Variants in ACSS3 observed in about 807,000 individuals in gnomAD.
The protein encoded by ACSS3 is acyl-CoA synthetase short chain family member 3.
A neutral mutation model predicts 84.2 loss-of-function variants in ACSS3; 64 were observed. That is an observed-to-expected ratio of 0.76 (90% CI 0.62 to 0.94). The LOEUF is 0.94. ACSS3 is among the 40% of genes least tolerant of loss of function. The pLI, the probability that ACSS3 is intolerant of heterozygous loss-of-function variation, is 0.00. For synonymous variants in ACSS3, 317 were observed against 310.1 expected (o/e 1.02, Z -0.23); for missense variants, 815 against 867.6 (o/e 0.94, Z 0.76).
intron 7 of ACSS3, among the ~76,000 whole-genome samples, chr12:81,170,557 T>A (rs772076130): frequency 3.9e-5 from 6 of 152,154 alleles, no homozygotes; most frequent in Non-Finnish European, 7.4e-5. Flanking sequence ...AATGTAGACT[T>A]AGTTTGGGAG....
intron 7 of ACSS3, among the ~76,000 whole-genome samples, chr12:81,164,612 A>G (rs556243270): frequency 1.3e-5 from 2 of 152,290 alleles, no homozygotes; most frequent in East Asian, 3.9e-4. Context: ...AGTATCTTTA[A>G]TGAACATCTC....
chr12:81,213,793 T>TTTCTCTGCTCTTCTC (rs1555181603), intron 9 of ACSS3, among the ~76,000 whole-genome samples: 6 of 30,818 alleles, frequency 1.9e-4, no homozygotes, highest in African/African-American at 7.2e-4. Flanking sequence ...TCTCTTCTCT[T>TTTCTCTGCTCTTCTC]TTCTCTTCTC....
chr12:81,127,953 T>C (rs1387929005), intron 2 of ACSS3, among the ~76,000 whole-genome samples: 1 of 152,174 alleles, frequency 6.6e-6, no homozygotes, highest in Non-Finnish European at 1.5e-5. Context: ...AAGACTGTTT[T>C]TGAAAGATTT....
chr12:81,224,936 C>T (rs143291492), intron 11 of ACSS3, among the ~76,000 whole-genome samples: 237 of 151,928 alleles, frequency 1.6e-3, no homozygotes, highest in African/African-American at 5.4e-3. Context: ...GGCCCTAAAG[C>T]ACAATAGTAC....
intron 13 of ACSS3, among the ~76,000 whole-genome samples, chr12:81,250,754 G>C (rs1035992803): frequency 8.5e-5 from 13 of 152,176 alleles, no homozygotes; most frequent in African/African-American, 3.1e-4. Flanking sequence ...AATAATTTTT[G>C]ACGATTAAAA....
At chr12:81,128,243 G>T (rs1024242412) in intron 2 of ACSS3, among the ~76,000 whole-genome samples, 24 of 150,056 alleles carry the variant, frequency 1.6e-4, no homozygotes, top group African/African-American at 5.4e-4. Flanking sequence ...TCTTATTTTT[G>T]TACCTGTAGA....
chr12:81,182,884 G>T (rs1347261334), intron 8 of ACSS3, among the ~76,000 whole-genome samples: 3 of 151,972 alleles, frequency 2.0e-5, no homozygotes, highest in African/African-American at 4.8e-5. Context: ...TTACCTAAAT[G>T]CTTGTCAAAT....
intron 9 of ACSS3, among the ~76,000 whole-genome samples, chr12:81,209,793 G>T (rs142427874): frequency 8.7e-4 from 133 of 152,264 alleles, no homozygotes; most frequent in African/African-American, 3.0e-3. Context: ...CAGAAAAGGG[G>T]TGAGCACTTC....
At chr12:81,252,172 A>G (rs1284858380) in intron 13 of ACSS3, among the ~76,000 whole-genome samples, 1 of 152,144 alleles carries the variant, frequency 6.6e-6, no homozygotes, top group Non-Finnish European at 1.5e-5. Flanking sequence ...TTCCTAAAGA[A>G]AAAGTTTTTG....
intron 5 of ACSS3, among the ~76,000 whole-genome samples, chr12:81,150,851 A>G (rs1886576018): frequency 6.6e-6 from 1 of 151,738 alleles, no homozygotes; most frequent in Non-Finnish European, 1.5e-5. Flanking sequence ...ACAGTTATTG[A>G]TTAGATCCAT....
chr12:81,082,193 G>T (rs986270474), intron 1 of ACSS3, among the ~76,000 whole-genome samples: 1 of 152,136 alleles, frequency 6.6e-6, no homozygotes, highest in Non-Finnish European at 1.5e-5. Context: ...GTACCTGGTA[G>T]GTTTTCGACC....
At chr12:81,155,978 A>C (rs1886843545) in intron 7 of ACSS3, among the ~76,000 whole-genome samples, 1 of 152,212 alleles carries the variant, frequency 6.6e-6, no homozygotes, top group Non-Finnish European at 1.5e-5. Context: ...CCACAGAATA[A>C]TTACCAAGAT....
intron 9 of ACSS3, among the ~76,000 whole-genome samples, chr12:81,215,708 C>A (rs1252625113): frequency 6.6e-6 from 1 of 152,134 alleles, no homozygotes; most frequent in African/African-American, 2.4e-5. Flanking sequence ...TTTTCACTAA[C>A]CAAATACTAT....
chr12:81,231,208 A>G, intron 12 of ACSS3, 70 bp downstream of exon 12: 1 of 1,266,472 alleles, frequency 7.9e-7, no homozygotes, highest in Non-Finnish European at 1.1e-6. Context: ...TAAATTGAGA[A>G]ACTTGCTCCT....
At chr12:81,110,738 A>G (rs1233765368) in intron 2 of ACSS3, among the ~76,000 whole-genome samples, 1 of 152,200 alleles carries the variant, frequency 6.6e-6, no homozygotes, top group Non-Finnish European at 1.5e-5. Context: ...GTCTGCGCAC[A>G]TAGCTAATGT....
At chr12:81,132,140 A>C (rs1363907377) in intron 2 of ACSS3, among the ~76,000 whole-genome samples, 1 of 152,196 alleles carries the variant, frequency 6.6e-6, no homozygotes, top group Non-Finnish European at 1.5e-5. Flanking sequence ...TACTGGCCTC[A>C]TAAAATGAGT....
At chr12:81,220,650 A>C (rs1183877142) in intron 11 of ACSS3, among the ~76,000 whole-genome samples, 1 of 151,986 alleles carries the variant, frequency 6.6e-6, no homozygotes, top group Non-Finnish European at 1.5e-5. Context: ...GTCCATGTGT[A>C]CCCATTATTT....
intron 3 of ACSS3, among the ~76,000 whole-genome samples, chr12:81,137,174 T>C (rs1248365294): frequency 6.6e-6 from 1 of 151,578 alleles, no homozygotes; most frequent in Non-Finnish European, 1.5e-5. Context: ...AGTTAATGCC[T>C]ATGAAGAAAA....
At chr12:81,226,827 TCA>T (rs967327429) in intron 11 of ACSS3, among the ~76,000 whole-genome samples, 13 of 151,834 alleles carry the variant, frequency 8.6e-5, no homozygotes, top group African/African-American at 3.1e-4. Flanking sequence ...ATCCAATTCA[TCA>T]CACCAGCTTT....
Sources: allele counts gnomAD v4.1 joint callset (sites outside exome capture counted in the v4.1 genomes callset), GRCh38; gene constraint gnomAD v4.1.1; transcripts MANE v1.5; gene names NCBI Gene and HGNC (gene_info 2026-07-23, HGNC 2026-07-21).